DMD: variants seen among roughly 807,000 people sequenced by gnomAD.
DMD encodes dystrophin.
DMD carries 63 observed loss-of-function variants against 330.1 expected under a neutral mutation model. That is an observed-to-expected ratio of 0.19 (90% confidence interval 0.16 to 0.24). The LOEUF is 0.24. Among genes scored for constraint, DMD ranks in the 10% least tolerant of loss-of-function variants. DMD has a pLI of 1.00. For missense variants in DMD, 3,344 were observed against 2,684.1 expected (o/e 1.25, Z -5.43); for synonymous variants, 1,223 against 959.8 (o/e 1.27, Z -5.07).
intron 17 of DMD, 127 bp downstream of exon 17, chrX:32,545,032 C>T (rs996112894): frequency 6.0e-5 from 38 of 629,949 alleles, no homozygotes; most frequent in Non-Finnish European, 9.3e-5. Context: ...TTTCTCACTA[C>T]ATTAACTGAC....
chrX:32,779,860 A>C, intron 7 of DMD, among the ~76,000 whole-genome samples: 1 of 111,520 alleles, frequency 9.0e-6, no homozygotes, highest in Non-Finnish European at 1.9e-5. Flanking sequence ...CTAAAAGTAT[A>C]ATAAAAAAAT....
intron 44 of DMD, among the ~76,000 whole-genome samples, chrX:32,054,143 C>T (rs767525013): frequency 7.9e-4 from 67 of 84,674 alleles, no homozygotes; most frequent in African/African-American, 2.9e-3. Context: ...GAGAAGAGGA[C>T]TGAGGAACCA....
At chrX:31,544,056 C>T (rs2073999267) in intron 55 of DMD, among the ~76,000 whole-genome samples, 1 of 111,176 alleles carries the variant, frequency 9.0e-6, no homozygotes, top group Admixed American at 9.6e-5. Flanking sequence ...TCAAGCTATG[C>T]GGCTGGGTGC....
At chrX:31,143,890 AAAGCTCAGTTGTTTTCAGAATTT>A (rs1318889038) in intron 76 of DMD, among the ~76,000 whole-genome samples, 1 of 112,263 alleles carries the variant, frequency 8.9e-6, no homozygotes, top group Non-Finnish European at 1.9e-5. Flanking sequence ...AAGAGGTACT[AAAGCTCAGTTGTTTTCAGAATTT>A]ACAGACTTTG....
chrX:32,753,331 T>C (rs1407478636), intron 7 of DMD, among the ~76,000 whole-genome samples: 1 of 112,509 alleles, frequency 8.9e-6, no homozygotes. Context: ...CCTTTTCTTA[T>C]GTCTTCAATA....
At chrX:32,609,153 G>A (rs2056965935) in intron 12 of DMD, among the ~76,000 whole-genome samples, 1 of 110,577 alleles carries the variant, frequency 9.0e-6, no homozygotes, top group Non-Finnish European at 1.9e-5. Context: ...TTGATATCCA[G>A]AATGCTTTGT....
chrX:32,773,081 G>A (rs1317111702), intron 7 of DMD, among the ~76,000 whole-genome samples: 1 of 111,639 alleles, frequency 9.0e-6, no homozygotes, highest in African/African-American at 3.3e-5. Context: ...CCCTGAAGGT[G>A]GTGCTTACCC....
intron 51 of DMD, among the ~76,000 whole-genome samples, chrX:31,744,355 G>A (rs770496235): frequency 9.0e-6 from 1 of 111,591 alleles, no homozygotes; most frequent in Non-Finnish European, 1.9e-5. Context: ...AATTGTGCCC[G>A]ACGGACTTGC....
chrX:32,461,009 C>T (rs2098381472), intron 25 of DMD, among the ~76,000 whole-genome samples: 1 of 111,613 alleles, frequency 9.0e-6, no homozygotes, highest in Non-Finnish European at 1.9e-5. Flanking sequence ...AACTTATATA[C>T]ATACCCTTTA....
chrX:32,280,006 CATAT>C (rs201513891), intron 43 of DMD, among the ~76,000 whole-genome samples: 2 of 67,022 alleles, frequency 3.0e-5, no homozygotes, highest in African/African-American at 6.6e-5. Flanking sequence ...ATGTACCCCA[CATAT>C]ATATATGTAC....
intron 2 of DMD, among the ~76,000 whole-genome samples, chrX:33,011,171 T>G (rs2093694897): frequency 9.0e-6 from 1 of 111,431 alleles, no homozygotes; most frequent in African/African-American, 3.3e-5. Context: ...GTCTAATTCT[T>G]CTATCATTGC....
At chrX:32,201,926 C>CT (rs1362380299) in intron 44 of DMD, among the ~76,000 whole-genome samples, 2 of 112,048 alleles carry the variant, frequency 1.8e-5, no homozygotes, top group Non-Finnish European at 3.8e-5. Context: ...GCAGTTACAG[C>CT]TTATGATAGA....
chrX:33,300,867 TATAATCTA>T, intron 1 of DMD, among the ~76,000 whole-genome samples: 1 of 112,136 alleles, frequency 8.9e-6, no homozygotes, highest in Admixed American at 9.5e-5. Flanking sequence ...TGTAAACTTC[TATAATCTA>T]ATCAAGGGAG....
chrX:32,359,351 A>T (rs767781433), intron 37 of DMD, among the ~76,000 whole-genome samples: 1 of 112,085 alleles, frequency 8.9e-6, no homozygotes, highest in Admixed American at 9.5e-5. Flanking sequence ...AGGGCTCTTT[A>T]GAGTTATGTT....
intron 52 of DMD, among the ~76,000 whole-genome samples, chrX:31,680,320 G>A (rs1023979415): frequency 2.7e-5 from 3 of 110,772 alleles, no homozygotes; most frequent in African/African-American, 9.8e-5. Flanking sequence ...TTTTCCAAGG[G>A]TCTTCTGAGT....
At chrX:32,554,796 A>T (rs1354966658) in intron 16 of DMD, among the ~76,000 whole-genome samples, 1 of 65,580 alleles carries the variant, frequency 1.5e-5, no homozygotes, top group Non-Finnish European at 2.8e-5. Flanking sequence ...TGATGCCAAA[A>T]CCTGGGAGGG....
chrX:31,489,718 T>C (rs1488374545), intron 57 of DMD, among the ~76,000 whole-genome samples: 1 of 111,721 alleles, frequency 9.0e-6, no homozygotes, highest in Non-Finnish European at 1.9e-5. Flanking sequence ...ATGGTATAAT[T>C]TTTCCTAAAA....
chrX:33,077,577 G>C (rs1479303574), intron 1 of DMD, among the ~76,000 whole-genome samples: 1 of 111,691 alleles, frequency 9.0e-6, no homozygotes, highest in Non-Finnish European at 1.9e-5. Context: ...CTTTGCAACT[G>C]TTTGAGTGGA....
chrX:32,382,025 G>A (rs2097927987), intron 33 of DMD, among the ~76,000 whole-genome samples: 1 of 110,969 alleles, frequency 9.0e-6, no homozygotes, highest in African/African-American at 3.3e-5. Flanking sequence ...GAGGGTAAAG[G>A]CAGACAACAG....
Sources: gnomAD v4.1 joint callset for allele counts (sites outside exome capture counted in the v4.1 genomes callset) on GRCh38, gnomAD v4.1.1 for gene constraint, MANE v1.5 for transcripts, NCBI Gene and HGNC (gene_info 2026-07-23, HGNC 2026-07-21) for gene names.